SUSD4: variants seen among roughly 807,000 people sequenced by gnomAD.
The protein encoded by SUSD4 is sushi domain-containing protein 4.
In SUSD4, 41 loss-of-function variants were observed where a neutral mutation model predicts 50.5. The ratio of observed to expected loss-of-function variants is 0.81; its 90% CI spans 0.63 to 1.05. SUSD4 has a LOEUF of 1.05. Among genes scored for constraint, SUSD4 ranks in the 50% least tolerant of loss-of-function variants. The pLI is 0.00. For missense variants in SUSD4, 580 were observed against 634.7 expected (o/e 0.91, Z 0.93); for synonymous variants, 257 against 257.3 (o/e 1.00, Z 0.01).
At chr1:223,246,770 G>T (rs1234593979) in intron 5 of SUSD4, among the ~76,000 whole-genome samples, 1 of 152,142 alleles carries the variant, frequency 6.6e-6, no homozygotes, top group Non-Finnish European at 1.5e-5. Context: ...CTCAGAGGTG[G>T]GAGGGGGGCT....
intron 2 of SUSD4, among the ~76,000 whole-genome samples, chr1:223,320,568 A>C (rs1344727859): frequency 6.6e-6 from 1 of 152,154 alleles, no homozygotes; most frequent in Non-Finnish European, 1.5e-5. Flanking sequence ...TTGTCTGCTA[A>C]CATCAACATC....
In SUSD4 at chr1:223,229,215, C is replaced by T; in HGVS notation, c.898G>A (p.Val300Ile). 1 of 1,606,062 alleles carries T rather than the reference C, an allele frequency of 6.2e-7. No homozygotes were observed. The highest frequency in any genetic ancestry group is 8.5e-7 in the Non-Finnish European group (1 of 1,173,216). Residue 300 changes from valine to isoleucine, a missense_variant, in exon 6 of 9, where the codon GTC becomes ATC. Physicochemically the swap from Val to Ile is conservative, Grantham distance 29 (BLOSUM62 3). Transcript: ENST00000366878. This position sits in a 1 kb window ranked among gnomAD's most constrained non-coding sequence, Gnocchi z 4.7. The part of the protein sequence containing the change: ...QYGEWFPSYQ[V>I]YCIKSEQTWP... ...GTCTTACCTGATTTGATGCAGTAGA[C>T]TTGATAAGAAGGAAACCACTCTCCA... is the stretch of plus-strand genomic sequence containing the variant.
intron 8 of SUSD4, 78 bp downstream of exon 8, chr1:223,223,171 C>T (rs562783400): frequency 1.0e-5 from 15 of 1,489,566 alleles, no homozygotes; most frequent in Admixed American, 2.3e-5. Flanking sequence ...GTGGAGCGTG[C>T]GTAGCAAGGA....
intron 2 of SUSD4, among the ~76,000 whole-genome samples, chr1:223,354,707 G>A (rs894821591): frequency 6.6e-6 from 1 of 152,308 alleles, no homozygotes; most frequent in East Asian, 1.9e-4. Context: ...GTTAACAGTG[G>A]TAGCTTAAAA....
At chr1:223,363,197 G>A in intron 2 of SUSD4, 81 bp downstream of exon 2, 2 of 1,398,592 alleles carry the variant, frequency 1.4e-6, no homozygotes, top group Middle Eastern at 2.3e-4. Context: ...TGGGGGAGGG[G>A]TGCAGGGCTG....
chr1:223,338,414 G>A (rs948235384), intron 2 of SUSD4, among the ~76,000 whole-genome samples: 3 of 152,222 alleles, frequency 2.0e-5, no homozygotes, highest in Non-Finnish European at 2.9e-5. Flanking sequence ...GGCCAAGACT[G>A]AGGCAGGAGA....
At chr1:223,233,687 G>A (rs1272579060) in intron 5 of SUSD4, among the ~76,000 whole-genome samples, 1 of 152,176 alleles carries the variant, frequency 6.6e-6, no homozygotes, top group Non-Finnish European at 1.5e-5. Context: ...AAAGTGGACC[G>A]GGCTATGGCA....
intron 3 of SUSD4, among the ~76,000 whole-genome samples, chr1:223,285,354 TCTC>T (rs2103128272): frequency 6.6e-6 from 1 of 152,188 alleles, no homozygotes; most frequent in East Asian, 1.9e-4. Context: ...CGTTCCTCCT[TCTC>T]CTTCAACTGC....
At position 223,310,584 on chromosome 1, in the gene SUSD4, CGT is replaced by C. The variant is rs147997367; in HGVS notation, c.149-17935_149-17934del. ...TTTTTGAGGGAATACACAAAAAAGA[CGT>C]GTGCACATGGAAAAAAATGAAAACA... On this transcript the variant is annotated intron_variant, in intron 2 of 8. Coordinates refer to ENST00000366878, the MANE Select transcript of SUSD4 (RefSeq NM_017982.4). Among the ~76,000 whole-genome samples the C allele has an allele frequency of 5.2e-3, 789 of 152,210 alleles. 3 individuals are homozygous for C. The highest frequency in any genetic ancestry group is 7.7e-3 in the Non-Finnish European group (527 of 68,006).
chr1:223,221,371 G>A lies in SUSD4; in HGVS notation c.*821C>T. On this transcript the variant is annotated 3_prime_UTR_variant, in exon 9 of 9. Coordinates refer to ENST00000366878, the MANE Select transcript of SUSD4 (RefSeq NM_017982.4). ...AATGCTGAAACAAAACATTACCTTG[G>A]TTACTGTCTCCATCATGAGATGTAT... 1 of 334,256 alleles carries A rather than the reference G, an allele frequency of 3.0e-6. No individual in the cohort carries two copies. The highest frequency in any genetic ancestry group is 4.8e-5 in the Admixed American group (1 of 20,706). 20.7% of individuals were successfully genotyped at this position (334,256 alleles called of 1,614,324 possible).
intron 8 of SUSD4, 34 bp downstream of exon 8, chr1:223,223,215 C>T (rs549489446): frequency 2.7e-6 from 4 of 1,506,548 alleles, no homozygotes; most frequent in African/African-American, 2.8e-5. Context: ...GAGGTGTTTG[C>T]AGGTGTGGCT....
rs199636537 is a variant in SUSD4 at position 223,223,510 on chromosome 1, T to C, written c.1183A>G (p.Met395Val). ...GGLSALGPGY[M>V]ASVGQGCPLP... The stretch of plus-strand genomic sequence containing the variant: ...GGGCAGCCCTGGCCCACAGAGGCCA[T>C]GTACCCGGGGCCTAAGGCACTCAAG... The change falls in exon 8 of 9, where the codon ATG becomes GTG. Residue 395 changes from methionine (M) to valine (V), a missense_variant. Coordinates refer to ENST00000366878, the MANE Select transcript of SUSD4 (RefSeq NM_017982.4). 88 of 1,613,010 alleles carry C rather than the reference T, an allele frequency of 5.5e-5. No individual in the cohort carries two copies. Among genetic ancestry groups the C allele is most frequent in the Middle Eastern group, 3.3e-4 (2 of 6,082 alleles).
At chr1:223,298,348 C>T (rs1664971472) in intron 2 of SUSD4, among the ~76,000 whole-genome samples, 2 of 152,132 alleles carry the variant, frequency 1.3e-5, no homozygotes, top group African/African-American at 4.8e-5. Context: ...CACAGACACA[C>T]TCTCTCCTAA....
At chr1:223,314,358 G>C (rs1010653748) in intron 2 of SUSD4, among the ~76,000 whole-genome samples, 2 of 152,150 alleles carry the variant, frequency 1.3e-5, no homozygotes, top group African/African-American at 4.8e-5. Context: ...TGGCGGAACA[G>C]AGCTGAAAGT....
At chr1:223,335,844 G>A (rs1043473569) in intron 2 of SUSD4, among the ~76,000 whole-genome samples, 2 of 152,174 alleles carry the variant, frequency 1.3e-5, no homozygotes, top group African/African-American at 4.8e-5. Flanking sequence ...AGGGAAAAAG[G>A]AGATTTGCTA....
intron 2 of SUSD4, among the ~76,000 whole-genome samples, chr1:223,361,402 G>A (rs1311966725): frequency 6.6e-6 from 1 of 152,086 alleles, no homozygotes; most frequent in Non-Finnish European, 1.5e-5. Context: ...TAAAAAGAAA[G>A]AGCTCTGAGA....
chr1:223,330,963 C>A (rs1301138239), intron 2 of SUSD4, among the ~76,000 whole-genome samples: 1 of 152,122 alleles, frequency 6.6e-6, no homozygotes, highest in Admixed American at 6.5e-5. Context: ...GGACCTCTGT[C>A]CTAATAAAAA....
upstream of SUSD4, among the ~76,000 whole-genome samples, chr1:223,365,143 G>GGGTC (rs1669244200): frequency 6.6e-6 from 1 of 152,106 alleles, no homozygotes; most frequent in Non-Finnish European, 1.5e-5. Context: ...GAAGCCAAGG[G>GGGTC]GGTCGGTGGT....
At chr1:223,243,208 G>A (rs1225951267) in intron 5 of SUSD4, among the ~76,000 whole-genome samples, 1 of 152,170 alleles carries the variant, frequency 6.6e-6, no homozygotes, top group Non-Finnish European at 1.5e-5. Context: ...CAGGGAGACA[G>A]AAGCTGCCTC....
Sources: gnomAD v4.1 joint callset for allele counts (sites outside exome capture counted in the v4.1 genomes callset) on GRCh38, gnomAD v4.1.1 for gene constraint, Gnocchi (gnomAD v3.1) non-coding constraint, MANE v1.5 for transcripts, NCBI Gene and HGNC (gene_info 2026-07-23, HGNC 2026-07-21) for gene names.